The following MAN1A1 variants were observed in gnomAD, a reference collection of about 807,000 sequenced individuals.
The protein encoded by MAN1A1 is mannosyl-oligosaccharide 1,2-alpha-mannosidase IA.
MAN1A1 carries 29 observed loss-of-function variants against 70.8 expected under a neutral mutation model. The ratio of observed to expected loss-of-function variants is 0.41; its 90% CI spans 0.31 to 0.56. MAN1A1 has a LOEUF of 0.56. Among genes scored for constraint, MAN1A1 ranks in the 20% least tolerant of loss-of-function variants. The pLI, the probability that MAN1A1 is intolerant of heterozygous loss-of-function variation, is 0.29. For synonymous variants in MAN1A1, 349 were observed against 330.1 expected (o/e 1.06, Z -0.62); for missense variants, 747 against 841.3 (o/e 0.89, Z 1.39).
At chr6:119,205,301 T>A (rs1773830220) in intron 6 of MAN1A1, among the ~76,000 whole-genome samples, 1 of 152,222 alleles carries the variant, frequency 6.6e-6, no homozygotes, top group African/African-American at 2.4e-5. Flanking sequence ...TCACATTATA[T>A]ACAAAATTTT....
chr6:119,337,447 C>T (rs1353913880), intron 2 of MAN1A1, among the ~76,000 whole-genome samples: 1 of 152,180 alleles, frequency 6.6e-6, no homozygotes, highest in Non-Finnish European at 1.5e-5. Context: ...CAAATACATA[C>T]TGGGCCCTAT....
rs1775478317 is a variant in MAN1A1 at position 119,257,034 on chromosome 6, T to C, written c.898-8680A>G. Among the ~76,000 whole-genome samples, 2 of 152,158 alleles carry C rather than the reference T, an allele frequency of 1.3e-5. 1 individual carries two copies. Among genetic ancestry groups the C allele is most frequent in the Admixed American group, 1.3e-4 (2 of 15,278 alleles). ...TGATACATGCTGTAACTGTGGGAAT[T>C]TTTTTTAAAAAGTGAGTTAGGTCTA... is the stretch of plus-strand genomic sequence containing the variant. On this transcript the variant is annotated intron_variant, in intron 5 of 12. Transcript: ENST00000368468.
Position 119,348,660 on chromosome 6 carries a change from T to C in MAN1A1, c.406A>G (p.Lys136Glu). 6.2e-7 allele frequency: 1 copy of C among 1,613,188 alleles called. No homozygotes were observed. Among genetic ancestry groups the C allele is most frequent in the Non-Finnish European group, 8.5e-7 (1 of 1,179,650 alleles). ...TCGGGCAGCTTCTGCAGGGTCTCCT[T>C]GGCTTCCCTGAGAGCCCGCTCGTGG... The part of the protein sequence containing the change: ...ENHERALREA[K>E]ETLQKLPEEI... Residue 136 changes from lysine (K) to glutamate (E), a missense_variant, in exon 2 of 13, where the codon AAG (lysine) becomes GAG (glutamate). Lys to Glu is a moderately conservative substitution (Grantham distance 56). Coordinates refer to ENST00000368468, the MANE Select transcript of MAN1A1 (RefSeq NM_005907.4).
chr6:119,186,308 C>A (rs144567070), intron 11 of MAN1A1, among the ~76,000 whole-genome samples: 1 of 152,012 alleles, frequency 6.6e-6, no homozygotes, highest in African/African-American at 2.4e-5. Flanking sequence ...ATTTTTAAGA[C>A]CCCCTATGTT....
intron 9 of MAN1A1, 88 bp from the exon 10 acceptor site, chr6:119,189,971 G>T: frequency 1.0e-6 from 1 of 976,420 alleles, no homozygotes; most frequent in Non-Finnish European, 1.5e-6. Context: ...AAAAAGAATA[G>T]AATACACCTG....
rs1040634771 is a variant in MAN1A1 at position 119,275,449 on chromosome 6, G to A, written c.897+15234C>T. ...AGCCTCCCAAGTAGCTGGGACTACA[G>A]GCGCCCGCCACTACGCCCGGCTAAT... On this transcript the variant is annotated intron_variant, in intron 5 of 12. Coordinates refer to ENST00000368468, the MANE Select transcript of MAN1A1 (RefSeq NM_005907.4). 4.1e-5 allele frequency among the ~76,000 whole-genome samples: 6 copies of A among 146,384 alleles called. 1 individual carries two copies. Among genetic ancestry groups the A allele is most frequent in the African/African-American group, 1.5e-4 (6 of 39,474 alleles).
At chr6:119,283,823 T>C (rs563977192) in intron 5 of MAN1A1, among the ~76,000 whole-genome samples, 2 of 152,248 alleles carry the variant, frequency 1.3e-5, no homozygotes, top group East Asian at 3.9e-4. Context: ...TCAAAACGAC[T>C]CAACTTTTAA....
At chr6:119,291,523 G>C (rs1245896561) in intron 4 of MAN1A1, among the ~76,000 whole-genome samples, 1 of 123,450 alleles carries the variant, frequency 8.1e-6, no homozygotes, top group Non-Finnish European at 1.9e-5. Flanking sequence ...AATGGGGCCA[G>C]GGCATTTTTT....
At chr6:119,179,967 T>C in intron 12 of MAN1A1, 22 bp from the exon 13 acceptor site, 1 of 1,612,132 alleles carries the variant, frequency 6.2e-7, no homozygotes, top group Non-Finnish European at 8.5e-7. Flanking sequence ...AACATAAGTA[T>C]ATGAGGCCCA....
At chr6:119,229,141 A>T (rs1055684230) in intron 6 of MAN1A1, among the ~76,000 whole-genome samples, 9 of 152,066 alleles carry the variant, frequency 5.9e-5, no homozygotes, top group African/African-American at 2.2e-4. Context: ...GGGTAATGAT[A>T]TTAAGATGAC....
intron 2 of MAN1A1, among the ~76,000 whole-genome samples, chr6:119,327,902 C>T (rs960059456): frequency 1.3e-5 from 2 of 152,056 alleles, no homozygotes; most frequent in South Asian, 2.1e-4. Flanking sequence ...AACTGAGAGT[C>T]GACTGACAGC....
intron 7 of MAN1A1, 48 bp downstream of exon 7, chr6:119,204,711 T>TA (rs1773809437): frequency 6.2e-7 from 1 of 1,604,770 alleles, no homozygotes. Flanking sequence ...ACAATACTGT[T>TA]TCTCATAAGT....
At chr6:119,312,531 C>A (rs945869594) in intron 2 of MAN1A1, among the ~76,000 whole-genome samples, 1 of 152,116 alleles carries the variant, frequency 6.6e-6, no homozygotes, top group Non-Finnish European at 1.5e-5. Context: ...AATCTAACCA[C>A]CCCTTCCACC....
Position 119,234,128 on chromosome 6 carries a change from T to A in MAN1A1, c.992+14132A>T, listed in dbSNP as rs529827467. Among the ~76,000 whole-genome samples the A allele has an allele frequency of 3.3e-5, 5 of 152,340 alleles. No homozygotes were observed. The South Asian group carries it at 1.0e-3, about 32-fold the overall frequency. On this transcript the variant is annotated intron_variant, in intron 6 of 12. Transcript: ENST00000368468. ...ATTTGAAAAGAAGAAAACAACACAC[T>A]TGATCTCCCACTTCAAGATAAAGGA...
intron 6 of MAN1A1, among the ~76,000 whole-genome samples, chr6:119,240,271 C>A (rs929305010): frequency 6.6e-6 from 1 of 152,122 alleles, no homozygotes; most frequent in African/African-American, 2.4e-5. Flanking sequence ...ATAAATTTTT[C>A]CACTTTAATT....
At chr6:119,254,881 T>A (rs1291389295) in intron 5 of MAN1A1, among the ~76,000 whole-genome samples, 1 of 152,194 alleles carries the variant, frequency 6.6e-6, no homozygotes, top group Non-Finnish European at 1.5e-5. Flanking sequence ...ATAAAAACTT[T>A]TATAGCCTAA....
chr6:119,269,940 C>A (rs925470131), intron 5 of MAN1A1, among the ~76,000 whole-genome samples: 1 of 152,186 alleles, frequency 6.6e-6, no homozygotes, highest in Non-Finnish European at 1.5e-5. Flanking sequence ...TGATTACATG[C>A]ATGCTTCACT....
At chr6:119,349,936 G>C (rs112300342), upstream of MAN1A1, among the ~76,000 whole-genome samples, 1 of 152,028 alleles carries the variant, frequency 6.6e-6, no homozygotes, top group Non-Finnish European at 1.5e-5. Context: ...GGCGGGGCCC[G>C]GCCGGCGGCG....
intron 2 of MAN1A1, among the ~76,000 whole-genome samples, chr6:119,311,870 C>A (rs1376200767): frequency 6.6e-6 from 1 of 152,160 alleles, no homozygotes; most frequent in Admixed American, 6.5e-5. Context: ...TAAGGTTTCA[C>A]AGAACGTGTA....
Sources: allele counts gnomAD v4.1 joint callset (sites outside exome capture counted in the v4.1 genomes callset), GRCh38; gene constraint gnomAD v4.1.1; transcripts MANE v1.5; gene names NCBI Gene and HGNC (gene_info 2026-07-23, HGNC 2026-07-21).